CAMKMT: variants seen among roughly 807,000 people sequenced by gnomAD.
CAMKMT encodes calmodulin-lysine N-methyltransferase.
CAMKMT carries 53 observed loss-of-function variants against 48.0 expected under a neutral mutation model. The observed-to-expected ratio is 1.10, with a 90% confidence interval of 0.89 to 1.39. The LOEUF is 1.39. CAMKMT is among the 40% of genes most tolerant of loss of function. The pLI is 0.00. For missense variants in CAMKMT, 428 were observed against 402.7 expected, an observed-to-expected ratio of 1.06 and a Z score of -0.54; for synonymous variants, 165 against 152.3, an observed-to-expected ratio of 1.08 and a Z score of -0.61.
At chr2:44,692,215 G>T (rs1676694573) in intron 3 of CAMKMT, among the ~76,000 whole-genome samples, 1 of 151,902 alleles carries the variant, frequency 6.6e-6, no homozygotes, top group Non-Finnish European at 1.5e-5. Context: ...ATAGAAACTT[G>T]TCACAACAGT....
chr2:44,482,784 A>G (rs1669036136), intron 3 of CAMKMT, among the ~76,000 whole-genome samples: 1 of 152,036 alleles, frequency 6.6e-6, no homozygotes, highest in Admixed American at 6.6e-5. Context: ...GGGGAGAATG[A>G]TGATTAGAAA....
At chr2:44,579,795 TG>T (rs1669446042) in intron 3 of CAMKMT, among the ~76,000 whole-genome samples, 1 of 152,204 alleles carries the variant, frequency 6.6e-6, no homozygotes, top group African/African-American at 2.4e-5. Flanking sequence ...TGGGTGCAGC[TG>T]GGGGATGTAT....
intron 7 of CAMKMT, among the ~76,000 whole-genome samples, chr2:44,725,730 G>T (rs749088311): frequency 2.0e-5 from 3 of 152,160 alleles, no homozygotes; most frequent in Non-Finnish European, 4.4e-5. Context: ...ATAGAGAGAG[G>T]CTAGAGGCAG....
chr2:44,499,895 G>T (rs188880067), intron 3 of CAMKMT, among the ~76,000 whole-genome samples: 1 of 152,106 alleles, frequency 6.6e-6, no homozygotes, highest in East Asian at 1.9e-4. Context: ...TCATAGAGAT[G>T]ACATTGGGTT....
Position 44,364,364 on chromosome 2 carries a change from T to C in CAMKMT, c.138+2219T>C, listed in dbSNP as rs867706318. On this transcript the variant is annotated intron_variant, in intron 1 of 10. Transcript: ENST00000378494. ...CATTCTTCACACTTCCATTTCAAAC[T>C]ACTCTTCTGTGAAGCCACCCCTAAT... 1.2e-4 allele frequency among the ~76,000 whole-genome samples: 19 copies of C among 152,278 alleles called. No homozygotes were observed. In the Middle Eastern group the frequency reaches 0.01, roughly 82 times the overall value.
intron 3 of CAMKMT, among the ~76,000 whole-genome samples, chr2:44,430,003 T>C (rs1238911536): frequency 3.3e-5 from 5 of 152,028 alleles, no homozygotes; most frequent in Non-Finnish European, 7.4e-5. Flanking sequence ...GGACTCTTTA[T>C]AGAGAAGCTC....
chr2:44,460,642 A>ACTT (rs1667798241), intron 3 of CAMKMT, among the ~76,000 whole-genome samples: 1 of 151,134 alleles, frequency 6.6e-6, no homozygotes. Flanking sequence ...CTTGGAGCTT[A>ACTT]CTTTTTTTTC....
At chr2:44,369,351 T>A (rs903402865) in intron 1 of CAMKMT, among the ~76,000 whole-genome samples, 1 of 152,214 alleles carries the variant, frequency 6.6e-6, no homozygotes, top group African/African-American at 2.4e-5. Context: ...ACTGATATAT[T>A]TTCTTGATTA....
Position 44,766,915 on chromosome 2 carries a change from C to T in CAMKMT, c.894+354C>T, listed in dbSNP as rs147798120. 4.9e-3 allele frequency among the ~76,000 whole-genome samples: 752 copies of T among 152,222 alleles called. 6 individuals carry two copies. Among genetic ancestry groups the T allele is most frequent in the African/African-American group, 0.017 (705 of 41,534 alleles). ...CTTTTAAGTAGGTTAAATGCTTAGC[C>T]GCACTGAAATAAATAGAAGGTGAAT... On this transcript the variant is annotated intron_variant, in intron 10 of 10. Transcript: ENST00000378494.
intron 3 of CAMKMT, among the ~76,000 whole-genome samples, chr2:44,634,904 T>G (rs1673036955): frequency 6.6e-6 from 1 of 151,828 alleles, no homozygotes; most frequent in African/African-American, 2.4e-5. Context: ...AATTAATCAT[T>G]CATTTAATAA....
intron 3 of CAMKMT, among the ~76,000 whole-genome samples, chr2:44,435,810 C>T (rs1666204397): frequency 6.6e-6 from 1 of 152,160 alleles, no homozygotes; most frequent in African/African-American, 2.4e-5. Context: ...TATTTGAATT[C>T]TGCCTTTTTA....
chr2:44,417,451 A>G (rs1326903613), intron 3 of CAMKMT, among the ~76,000 whole-genome samples: 1 of 152,224 alleles, frequency 6.6e-6, no homozygotes. Context: ...TTATGTATTC[A>G]TCTATTGATA....
intron 3 of CAMKMT, among the ~76,000 whole-genome samples, chr2:44,570,018 A>G (rs1668824620): frequency 6.6e-6 from 1 of 152,158 alleles, no homozygotes; most frequent in African/African-American, 2.4e-5. Context: ...CCAAATTCAT[A>G]GAGATGCTAC....
intron 3 of CAMKMT, among the ~76,000 whole-genome samples, chr2:44,607,497 A>T (rs1273348390): frequency 6.6e-6 from 1 of 152,188 alleles, no homozygotes; most frequent in East Asian, 1.9e-4. Context: ...TGAACATAAA[A>T]GCACCAGTGA....
At position 44,588,319 on chromosome 2, in the gene CAMKMT, C is replaced by G. The variant is rs1275028926; in HGVS notation, c.377-115964C>G. Among the ~76,000 whole-genome samples the G allele has an allele frequency of 5.6e-5, 5 of 88,844 alleles. No homozygotes were observed. In the East Asian group the frequency reaches 1.0e-3, roughly 19 times the overall value. 58.3% of individuals were successfully genotyped at this position (88,844 alleles called of 152,430 possible). A position where few individuals can be genotyped will look rare whatever the true frequency, so the allele number is the denominator to read the frequency against. On this transcript the variant is annotated intron_variant, in intron 3 of 10. Coordinates refer to ENST00000378494, the MANE Select transcript of CAMKMT (RefSeq NM_024766.5). Reference sequence around the variant, plus strand: ...CCGGGAGGGAGGGGGGGGGTCAGCCCCCCGCCCGGCCAGCCGCCCCGTCCG... The same window carrying G: ...CCGGGAGGGAGGGGGGGGGTCAGCCGCCCGCCCGGCCAGCCGCCCCGTCCG...
intron 3 of CAMKMT, chr2:44,631,366 G>A (rs1049274874): frequency 1.3e-5 from 5 of 380,976 alleles, no homozygotes; most frequent in Non-Finnish European, 2.3e-5. Context: ...CCTGCACGTT[G>A]TGCACATGTA....
chr2:44,398,909 TA>T (rs1298994703), intron 3 of CAMKMT, among the ~76,000 whole-genome samples: 3 of 152,248 alleles, frequency 2.0e-5, no homozygotes, highest in East Asian at 1.9e-4. Context: ...TACTCCATGT[TA>T]AAAAAAATTT....
At chr2:44,634,197 A>C (rs927545924) in intron 3 of CAMKMT, among the ~76,000 whole-genome samples, 1 of 151,942 alleles carries the variant, frequency 6.6e-6, no homozygotes, top group African/African-American at 2.4e-5. Flanking sequence ...CGGTTTCTGA[A>C]ACTCTACTTA....
chr2:44,638,758 G>A (rs1673286232), intron 3 of CAMKMT, among the ~76,000 whole-genome samples: 1 of 152,172 alleles, frequency 6.6e-6, no homozygotes, highest in Non-Finnish European at 1.5e-5. Context: ...CAAGTAGGAG[G>A]CATGCACCGT....
Sources: allele counts gnomAD v4.1 joint callset (sites outside exome capture counted in the v4.1 genomes callset), GRCh38; gene constraint gnomAD v4.1.1; transcripts MANE v1.5; gene names NCBI Gene and HGNC (gene_info 2026-07-23, HGNC 2026-07-21).